Variants in ZNF81 observed in about 807,000 individuals in gnomAD.
ZNF81 encodes the protein zinc finger protein 81, also known as zinc finger protein 81 (HFZ20).
ZNF81 carries 5 observed loss-of-function variants against 32.3 expected under a neutral mutation model. The observed-to-expected ratio is 0.15, with a 90% CI of 0.08 to 0.33. ZNF81 has a LOEUF of 0.33. ZNF81 is among the 10% of genes least tolerant of loss of function. The pLI is 1.00. For missense variants in ZNF81, 379 were observed against 479.8 expected, an observed-to-expected ratio of 0.79 and a Z score of 1.96; for synonymous variants, 163 against 166.8, an observed-to-expected ratio of 0.98 and a Z score of 0.17.
chrX:47,875,089 G>A (rs782469745), intron 2 of ZNF81, among the ~76,000 whole-genome samples: 4 of 110,230 alleles, frequency 3.6e-5, no homozygotes, highest in African/African-American at 1.3e-4. Flanking sequence ...GGCCACGGGG[G>A]TGGGGGTGGG....
rs1396071628 is a variant in ZNF81, at chrX:47,925,224, C to T, written c.*8592C>T. Among the ~76,000 whole-genome samples, 1 of 111,384 alleles carries T rather than the reference C, an allele frequency of 9.0e-6. No homozygotes were observed. The highest frequency in any genetic ancestry group is 4.2e-3 in the Middle Eastern group (1 of 238). ...ATTTGATGAGTTTTGACGTGTGCAC[C>T]TTTCCAACCATCATGACAATACAAA... On this transcript the variant is annotated 3_prime_UTR_variant, in exon 5 of 5. Coordinates refer to ENST00000338637, the MANE Select transcript of ZNF81 (RefSeq NM_007137.5).
In ZNF81 at chrX:47,911,614, A is replaced by G. The variant is rs149122195; in HGVS notation, c.278-3310A>G. ...GCTGTGTTTTAGAGGGATTTTAAAA[A>G]ATTATACTGAGAGGAATTCAACGAA... On this transcript the variant is annotated intron_variant, in intron 4 of 4. Transcript: ENST00000338637. 5.8e-3 allele frequency among the ~76,000 whole-genome samples: 647 copies of G among 111,850 alleles called. 4 individuals are homozygous for G. The highest frequency in any genetic ancestry group is 0.02 in the African/African-American group (613 of 30,820).
Position 47,922,606 on chromosome X carries a change from C to T in ZNF81, c.*5974C>T, listed in dbSNP as rs1026489994. ...TCTACCAATTTACTAGTTTATGTGA[C>T]CTTGGGAAAGTTAGTTAACCTCTGT... On this transcript the variant is annotated 3_prime_UTR_variant, in exon 5 of 5. Coordinates refer to ENST00000338637, the MANE Select transcript of ZNF81 (RefSeq NM_007137.5). Among the ~76,000 whole-genome samples the T allele has an allele frequency of 9.0e-6, 1 of 111,472 alleles. No individual in the cohort carries two copies. Among genetic ancestry groups the T allele is most frequent in the Non-Finnish European group, 1.9e-5 (1 of 53,100 alleles).
chrX:47,871,926 G>A (rs2148019328), intron 2 of ZNF81, among the ~76,000 whole-genome samples: 1 of 112,129 alleles, frequency 8.9e-6, no homozygotes, highest in South Asian at 3.7e-4. Context: ...TCTACTAGCA[G>A]CACTTTTATT....
chrX:47,857,066 G>A (rs1256708156), intron 2 of ZNF81, among the ~76,000 whole-genome samples: 5 of 112,096 alleles, frequency 4.5e-5, no homozygotes, highest in African/African-American at 1.6e-4. Flanking sequence ...TGAGCAGAGG[G>A]AATATAAGGT....
intron 2 of ZNF81, among the ~76,000 whole-genome samples, chrX:47,846,577 G>A (rs1556880544): frequency 1.8e-5 from 2 of 111,021 alleles, no homozygotes; most frequent in Non-Finnish European, 3.8e-5. Context: ...TATCATTCTT[G>A]CATATTTTTA....
intron 2 of ZNF81, among the ~76,000 whole-genome samples, chrX:47,874,997 T>A (rs1556884380): frequency 2.7e-5 from 3 of 110,462 alleles, no homozygotes; most frequent in Admixed American, 9.7e-5. Context: ...GTTGGGCTTT[T>A]GTCCCTCTTT....
chrX:47,878,364 G>A (rs2058607803), intron 2 of ZNF81, among the ~76,000 whole-genome samples: 1 of 112,212 alleles, frequency 8.9e-6, no homozygotes, highest in African/African-American at 3.2e-5. Flanking sequence ...ATGGTGCGGC[G>A]CCATGCCAGT....
chrX:47,857,342 AAAGT>A (rs201081610), intron 2 of ZNF81, among the ~76,000 whole-genome samples: 8,823 of 112,068 alleles, frequency 0.079, 393 homozygotes, highest in East Asian at 0.16. Flanking sequence ...TTAAAAATAA[AAAGT>A]AAGCAGCTAG....
chrX:47,904,788 C>T lies in ZNF81; in HGVS notation c.277+8848C>T, dbSNP rs571173830. ...CATATGTTTATTGCAGCACTATTCACAATAGCAAAGACTTGGAACCAACCC... is the reference window on the plus strand; with the variant it reads ...CATATGTTTATTGCAGCACTATTCATAATAGCAAAGACTTGGAACCAACCC... On this transcript the variant is annotated intron_variant, in intron 4 of 4. Coordinates refer to ENST00000338637, the MANE Select transcript of ZNF81 (RefSeq NM_007137.5). 8.0e-5 allele frequency among the ~76,000 whole-genome samples: 9 copies of T among 111,849 alleles called. No homozygotes were observed. In the South Asian group the frequency reaches 2.6e-3, roughly 32 times the overall value.
intron 1 of ZNF81, among the ~76,000 whole-genome samples, chrX:47,839,857 A>C (rs1338303792): frequency 9.0e-6 from 1 of 111,455 alleles, no homozygotes; most frequent in African/African-American, 3.3e-5. Context: ...CGTGGGCCAC[A>C]TGTGGCTCCG....
In ZNF81 at chrX:47,912,157, A is replaced by T. The variant is rs2058741610; in HGVS notation, c.278-2767A>T. Among the ~76,000 whole-genome samples, 3 of 110,180 alleles carry T rather than the reference A, an allele frequency of 2.7e-5. No homozygotes were observed. The Admixed American group carries it at 2.9e-4, about 11-fold the overall frequency. On this transcript the variant is annotated intron_variant, in intron 4 of 4. Transcript: ENST00000338637. ...TAAAAAATAATTGTCTGGTACAGCA[A>T]GGGATTTATAATTTAAATAAAGTAA...
At chrX:47,841,039 A>T in intron 1 of ZNF81, 2 of 863,703 alleles carry the variant, frequency 2.3e-6, no homozygotes, top group South Asian at 4.0e-5. Context: ...GAGGAAGCCT[A>T]CTCTATTTTT....
In ZNF81 at chrX:47,916,319, A is replaced by G. The variant is rs782500762; in HGVS notation, c.1673A>G (p.Asp558Gly). ...GGAGAGAAACCCTATGTTTGTGCTG[A>G]TTGTGGGAGGGCCTTCATCCAGAAG... The part of the protein sequence containing the change: ...HTGEKPYVCA[D>G]CGRAFIQKSE... The change falls in exon 5 of 5, where the codon GAT becomes GGT. Residue 558 changes from aspartate (D) to glycine (G), a missense_variant. By Grantham distance (94) the Asp-to-Gly change is moderately conservative. Coordinates refer to ENST00000338637, the MANE Select transcript of ZNF81 (RefSeq NM_007137.5). The G allele has an allele frequency of 3.5e-5, 42 of 1,209,800 alleles. No homozygotes were observed. In the Middle Eastern group the frequency reaches 9.1e-4, roughly 26 times the overall value.
chrX:47,848,731 A>G (rs1339752843), intron 2 of ZNF81, among the ~76,000 whole-genome samples: 2 of 111,222 alleles, frequency 1.8e-5, no homozygotes, highest in Non-Finnish European at 3.8e-5. Context: ...GGAAATGCCC[A>G]TTTGGATTTT....
rs1467585526 is a variant in ZNF81 at position 47,888,102 on chromosome X, A to G, written c.158A>G (p.Asn53Ser). The G allele has an allele frequency of 2.5e-6, 3 of 1,207,906 alleles. No individual in the cohort carries two copies. In the African/African-American group the frequency reaches 5.3e-5, roughly 21 times the overall value. Residue 53 changes from asparagine (N) to serine (S), a missense_variant, in exon 3 of 5, where the codon AAC (asparagine) becomes AGC (serine). Around this residue, in one of 2 missense-constraint regions of ZNF81, gnomAD observed 277 missense variants for 306.6 expected, o/e 0.90. Coordinates refer to ENST00000338637, the MANE Select transcript of ZNF81 (RefSeq NM_007137.5). ...RRLYQDVMLE[N>S]YSHLLSVGFE... ...CTGTACCAGGATGTAATGTTGGAGAACTACAGCCACCTGCTCTCAGTGGGT... is the reference window on the plus strand; with the variant it reads ...CTGTACCAGGATGTAATGTTGGAGAGCTACAGCCACCTGCTCTCAGTGGGT...
intron 2 of ZNF81, among the ~76,000 whole-genome samples, chrX:47,857,744 G>A (rs782062038): frequency 1.8e-5 from 2 of 111,678 alleles, no homozygotes; most frequent in East Asian, 2.8e-4. Context: ...CAGCCAAGGC[G>A]TTTCACCAGA....
intron 2 of ZNF81, among the ~76,000 whole-genome samples, chrX:47,874,545 C>G (rs1318736065): frequency 8.9e-6 from 1 of 112,423 alleles, no homozygotes; most frequent in African/African-American, 3.2e-5. Flanking sequence ...GTGAGTAATA[C>G]TGGCTGAGTT....
chrX:47,887,981 A>G lies in ZNF81; in HGVS notation c.55-18A>G. On this transcript the variant is annotated intron_variant, in intron 2 of 4. Transcript: ENST00000338637. ...CAGTGCTGATCATGTTGCCTTGAACAAGATTGTGTTGTTACAGGTATCAGT... is the reference window on the plus strand; with the variant it reads ...CAGTGCTGATCATGTTGCCTTGAACGAGATTGTGTTGTTACAGGTATCAGT... 1 of 1,211,632 alleles carries G rather than the reference A, an allele frequency of 8.3e-7. No homozygotes were observed. The highest frequency in any genetic ancestry group is 1.1e-6 in the Non-Finnish European group (1 of 895,478).
Sources: allele counts gnomAD v4.1 joint callset (sites outside exome capture counted in the v4.1 genomes callset), GRCh38; gene constraint gnomAD v4.1.1; regional missense constraint gnomAD v4.1.1; transcripts MANE v1.5; gene names NCBI Gene and HGNC (gene_info 2026-07-23, HGNC 2026-07-21).